The following CARMIL1 variants were observed in gnomAD, a reference collection of about 807,000 sequenced individuals.
CARMIL1 encodes the protein F-actin-uncapping protein LRRC16A.
A neutral mutation model predicts 177.1 loss-of-function variants in CARMIL1; 90 were observed. That is an observed-to-expected ratio of 0.51 (90% confidence interval 0.43 to 0.61). CARMIL1 has a LOEUF of 0.61. Among genes scored for constraint, CARMIL1 ranks in the 20% least tolerant of loss-of-function variants. The pLI is 0.00. For synonymous variants in CARMIL1, 577 were observed against 606.2 expected (o/e 0.95, Z 0.71); for missense variants, 1,380 against 1,667.0 (o/e 0.83, Z 3.00).
At chr6:25,521,039 C>T (rs1806497616) in intron 23 of CARMIL1, among the ~76,000 whole-genome samples, 1 of 152,134 alleles carries the variant, frequency 6.6e-6, no homozygotes, top group Non-Finnish European at 1.5e-5. Flanking sequence ...CTTTTCCAAC[C>T]TCCTTTGTTC....
In CARMIL1 at chr6:25,495,221, T is replaced by TTAACCACTCACTTTAAG; in HGVS notation, c.1325+6_1325+7insTAACCACTCACTTTAAG. The TTAACCACTCACTTTAAG allele has an allele frequency of 6.4e-7, 1 of 1,574,728 alleles. No homozygotes were observed. The highest frequency in any genetic ancestry group is 8.7e-7 in the Non-Finnish European group (1 of 1,153,676). On this transcript the variant is annotated splice_region_variant and intron_variant, in intron 16 of 36. Transcript: ENST00000329474. ...CTGTCTCCTGAGCCCTTAAAGTGAG[T>TTAACCACTCACTTTAAG]GGTTAATTCACTTTCTCCAGAGCTT...
chr6:25,322,243 G>A (rs1002211706), intron 2 of CARMIL1, among the ~76,000 whole-genome samples: 5 of 152,028 alleles, frequency 3.3e-5, no homozygotes, highest in Non-Finnish European at 5.9e-5. Flanking sequence ...GTGCCTCAGC[G>A]TTCTGATTAG....
chr6:25,521,621 T>G (rs989890402), intron 23 of CARMIL1, among the ~76,000 whole-genome samples: 8 of 152,014 alleles, frequency 5.3e-5, no homozygotes, highest in Middle Eastern at 3.4e-3. Flanking sequence ...TACAAAAAAT[T>G]AGCCTGACTA....
intron 24 of CARMIL1, among the ~76,000 whole-genome samples, chr6:25,532,658 G>T (rs1047774314): frequency 1.2e-4 from 18 of 152,174 alleles, no homozygotes; most frequent in African/African-American, 3.6e-4. Context: ...ATGTTTTAAT[G>T]AAATATTGAA....
Position 25,286,371 on chromosome 6 carries a change from A to G in CARMIL1, c.138+1462A>G, listed in dbSNP as rs1781525439. Among the ~76,000 whole-genome samples the G allele has an allele frequency of 2.6e-5, 4 of 152,322 alleles. No homozygotes were observed. In the South Asian group the frequency reaches 8.3e-4, roughly 32 times the overall value. On this transcript the variant is annotated intron_variant, in intron 2 of 36. Coordinates refer to ENST00000329474, the MANE Select transcript of CARMIL1 (RefSeq NM_017640.6). ...ATGTTGTCTATATATACAAGTCGGGATGGTAAAGGCATTGAATGGGAAAAC... is the reference window on the plus strand; with the variant it reads ...ATGTTGTCTATATATACAAGTCGGGGTGGTAAAGGCATTGAATGGGAAAAC...
intron 26 of CARMIL1, among the ~76,000 whole-genome samples, chr6:25,542,268 T>A (rs1183944222): frequency 3.3e-5 from 5 of 152,184 alleles, no homozygotes; most frequent in African/African-American, 1.2e-4. Context: ...ATTGTTGAAA[T>A]GGATTCTTGC....
At chr6:25,613,535 G>A (rs1181731120) in intron 36 of CARMIL1, among the ~76,000 whole-genome samples, 1 of 152,134 alleles carries the variant, frequency 6.6e-6, no homozygotes, top group Non-Finnish European at 1.5e-5. Context: ...GTTCAGGTGA[G>A]AACAATCCCA....
intron 8 of CARMIL1, among the ~76,000 whole-genome samples, chr6:25,459,274 T>TTCCTTCTTTCTTTCTTTCTTTC (rs1302680954): frequency 3.2e-5 from 1 of 30,980 alleles, no homozygotes; most frequent in Non-Finnish European, 7.6e-5. Context: ...TTCTTTTTTT[T>TTCCTTCTTTCTTTCTTTCTTTC]TTTTTTAAGA....
chr6:25,558,748 G>GC lies in CARMIL1; in HGVS notation c.2742+1898_2742+1899insC, dbSNP rs1810855559. 6.6e-6 allele frequency among the ~76,000 whole-genome samples: 1 copy of GC among 152,124 alleles called. No homozygotes were observed. The highest frequency in any genetic ancestry group is 1.5e-5 in the Non-Finnish European group (1 of 68,022). On this transcript the variant is annotated intron_variant, in intron 29 of 36. Transcript: ENST00000329474. The surrounding 1 kb of genome is among the most constrained non-coding windows in gnomAD (Gnocchi z 4.1). The stretch of plus-strand genomic sequence containing the variant: ...TTTAAAGGGCCAAGGAGGTAAGCAG[G>GC]GAGGGCCATTCCTGAGATGAGCCTG...
intron 2 of CARMIL1, among the ~76,000 whole-genome samples, chr6:25,414,087 A>G (rs1348926895): frequency 1.3e-5 from 2 of 152,186 alleles, no homozygotes; most frequent in African/African-American, 4.8e-5. Flanking sequence ...CTGCATTTGT[A>G]TCTTATTTAA....
At chr6:25,508,961 C>G (rs2151043523) in intron 17 of CARMIL1, among the ~76,000 whole-genome samples, 1 of 152,198 alleles carries the variant, frequency 6.6e-6, no homozygotes, top group South Asian at 2.1e-4. Flanking sequence ...TTGGGTTTTT[C>G]AGGTTGTCTT....
At chr6:25,456,203 A>G (rs1160496136) in intron 8 of CARMIL1, among the ~76,000 whole-genome samples, 1 of 152,140 alleles carries the variant, frequency 6.6e-6, no homozygotes, top group South Asian at 2.1e-4. Context: ...TTGGCTTCCT[A>G]TTTCTATATA....
intron 2 of CARMIL1, among the ~76,000 whole-genome samples, chr6:25,376,245 A>G (rs1455293052): frequency 6.6e-6 from 1 of 151,984 alleles, no homozygotes; most frequent in African/African-American, 2.4e-5. Flanking sequence ...ATGCCCAGCT[A>G]ATTTTTGTAT....
At chr6:25,340,777 G>GTTTTTTTTTTTTTTTTTTTT (rs34928775) in intron 2 of CARMIL1, among the ~76,000 whole-genome samples, 1 of 86,136 alleles carries the variant, frequency 1.2e-5, no homozygotes, top group Non-Finnish European at 2.3e-5. Context: ...GTCAATGAAG[G>GTTTTTTTTTTTTTTTTTTTT]TTTTTTTTTT....
intron 31 of CARMIL1, among the ~76,000 whole-genome samples, chr6:25,581,883 GGTAACTGAA>G (rs1813155205): frequency 6.6e-6 from 1 of 152,172 alleles, no homozygotes; most frequent in Non-Finnish European, 1.5e-5. Context: ...CACAAACTGA[GGTAACTGAA>G]GTGTTGGAGA....
chr6:25,538,569 A>G (rs1485608767), intron 25 of CARMIL1, among the ~76,000 whole-genome samples: 1 of 152,078 alleles, frequency 6.6e-6, no homozygotes, highest in African/African-American at 2.4e-5. Flanking sequence ...TAATTTCCTG[A>G]GTGATAGGGA....
chr6:25,408,724 T>C (rs930007456), intron 2 of CARMIL1, among the ~76,000 whole-genome samples: 2 of 151,822 alleles, frequency 1.3e-5, no homozygotes, highest in African/African-American at 4.8e-5. Context: ...ATGAGAGAAG[T>C]TGGGGCTGTA....
chr6:25,600,310 G>A lies in CARMIL1; in HGVS notation c.3120-4G>A, dbSNP rs754907890. On this transcript the variant is annotated splice_region_variant and splice_polypyrimidine_tract_variant and intron_variant, in intron 32 of 36. Transcript: ENST00000329474. ...ACAGATCTGTGTCTTGGTTTGAAAT[G>A]CAGGAAATGGTCAACAAGAGGCTCA... 2.5e-6 allele frequency: 4 copies of A among 1,600,998 alleles called. No homozygotes were observed. The highest frequency in any genetic ancestry group is 1.7e-4 in the Middle Eastern group (1 of 5,960).
At chr6:25,572,339 AAAAT>A (rs1812150281) in intron 29 of CARMIL1, among the ~76,000 whole-genome samples, 1 of 152,228 alleles carries the variant, frequency 6.6e-6, no homozygotes, top group South Asian at 2.1e-4. Context: ...GAATATGTTC[AAAAT>A]AAATAGTTGG....
Sources: allele counts gnomAD v4.1 joint callset (sites outside exome capture counted in the v4.1 genomes callset), GRCh38; gene constraint gnomAD v4.1.1; non-coding constraint Gnocchi (gnomAD v3.1); transcripts MANE v1.5; gene names NCBI Gene and HGNC (gene_info 2026-07-23, HGNC 2026-07-21).